ZNF385D: variants seen among roughly 807,000 people sequenced by gnomAD.
ZNF385D encodes the protein zinc finger protein 385D.
ZNF385D carries 15 observed loss-of-function variants against 35.8 expected under a neutral mutation model. That is an observed-to-expected ratio of 0.42 (90% CI 0.28 to 0.64). The LOEUF (loss-of-function observed/expected upper bound fraction) is 0.64, where lower values mean the gene tolerates loss of function less well. Ranked by LOEUF, ZNF385D falls within the 30% of genes least tolerant of loss-of-function variation. The pLI, the probability that ZNF385D is intolerant of heterozygous loss-of-function variation, is 0.23. For missense variants in ZNF385D, 474 were observed against 494.6 expected, an observed-to-expected ratio of 0.96 and a Z score of 0.39; for synonymous variants, 212 against 186.8, an observed-to-expected ratio of 1.13 and a Z score of -1.10.
chr3:21,441,593 C>T (rs899129202), intron 4 of ZNF385D: 14 of 656,290 alleles, frequency 2.1e-5, no homozygotes, highest in Non-Finnish European at 2.6e-5. Context: ...GAGTCAATTA[C>T]GTATATCCAA....
intron 3 of ZNF385D, among the ~76,000 whole-genome samples, chr3:21,757,979 C>A (rs1311948196): frequency 6.6e-6 from 1 of 152,190 alleles, no homozygotes; most frequent in African/African-American, 2.4e-5. Context: ...ACTGTTCCTA[C>A]TGAGAATATA....
At chr3:22,272,659 A>G (rs956871596) in intron 2 of ZNF385D, among the ~76,000 whole-genome samples, 1 of 152,054 alleles carries the variant, frequency 6.6e-6, no homozygotes, top group African/African-American at 2.4e-5. Flanking sequence ...ACTTTAAAAA[A>G]AATTCCTCTT....
At chr3:22,223,554 G>C (rs992505460) in intron 2 of ZNF385D, among the ~76,000 whole-genome samples, 1 of 152,076 alleles carries the variant, frequency 6.6e-6, no homozygotes, top group African/African-American at 2.4e-5. Context: ...AGAGGTGGTT[G>C]AAAGTATGTG....
chr3:21,969,970 T>C (rs1703145216), intron 3 of ZNF385D, among the ~76,000 whole-genome samples: 1 of 152,152 alleles, frequency 6.6e-6, no homozygotes, highest in Non-Finnish European at 1.5e-5. Context: ...CCAGTATCTC[T>C]ATAAGTCTGC....
intron 2 of ZNF385D, among the ~76,000 whole-genome samples, chr3:22,234,062 C>A (rs1233815590): frequency 6.6e-6 from 1 of 152,124 alleles, no homozygotes; most frequent in Non-Finnish European, 1.5e-5. Context: ...GGCAATTTTA[C>A]AGTCATTCTA....
At chr3:21,673,206 C>A (rs925681566) in intron 1 of ZNF385D, among the ~76,000 whole-genome samples, 1 of 152,078 alleles carries the variant, frequency 6.6e-6, no homozygotes, top group African/African-American at 2.4e-5. Flanking sequence ...TGGCCATTGA[C>A]AGTCACATGT....
At chr3:21,981,994 C>A (rs1694481598) in intron 3 of ZNF385D, among the ~76,000 whole-genome samples, 1 of 151,510 alleles carries the variant, frequency 6.6e-6, no homozygotes, top group Admixed American at 6.6e-5. Context: ...AGTCAGGTAA[C>A]ATGATGCCTC....
At chr3:21,905,578 A>C (rs2125904648) in intron 3 of ZNF385D, among the ~76,000 whole-genome samples, 1 of 152,092 alleles carries the variant, frequency 6.6e-6, no homozygotes, top group African/African-American at 2.4e-5. Flanking sequence ...AAATGATGGA[A>C]GTCCAGAGCA....
chr3:21,928,081 G>A (rs544919976), intron 3 of ZNF385D, among the ~76,000 whole-genome samples: 34 of 152,052 alleles, frequency 2.2e-4, no homozygotes, highest in African/African-American at 5.5e-4. Flanking sequence ...AAAGTTAGCC[G>A]GCTGTGGTGG....
intron 4 of ZNF385D, among the ~76,000 whole-genome samples, chr3:21,496,634 T>C (rs538054771): frequency 3.3e-5 from 5 of 149,822 alleles, no homozygotes; most frequent in African/African-American, 9.8e-5. Context: ...TTGATGAACA[T>C]AGATGCCAAA....
At chr3:21,877,642 G>A (rs1414301131) in intron 3 of ZNF385D, among the ~76,000 whole-genome samples, 1 of 152,010 alleles carries the variant, frequency 6.6e-6, no homozygotes, top group East Asian at 1.9e-4. Flanking sequence ...ACTATTTTTA[G>A]TACTTAGTTA....
chr3:22,047,140 G>C (rs530474498), intron 3 of ZNF385D, among the ~76,000 whole-genome samples: 4 of 152,054 alleles, frequency 2.6e-5, no homozygotes, highest in Non-Finnish European at 5.9e-5. Context: ...TTATACACAT[G>C]TATGGTGCAC....
chr3:22,025,912 T>C (rs1214651412), intron 3 of ZNF385D, among the ~76,000 whole-genome samples: 1 of 152,130 alleles, frequency 6.6e-6, no homozygotes, highest in African/African-American at 2.4e-5. Flanking sequence ...AACTACAAAA[T>C]GTAAATACTA....
intron 3 of ZNF385D, among the ~76,000 whole-genome samples, chr3:22,141,606 G>A (rs1318349170): frequency 1.3e-5 from 2 of 152,218 alleles, no homozygotes; most frequent in South Asian, 4.2e-4. Context: ...GTAGTTCACT[G>A]GCCTGCTGTT....
chr3:21,511,537 G>C (rs1707201301), intron 3 of ZNF385D: 1 of 373,092 alleles, frequency 2.7e-6, no homozygotes, highest in South Asian at 2.0e-5. Flanking sequence ...TGAAGCTTTA[G>C]AGTTCAAAAG....
At chr3:22,219,663 G>C (rs1442268466) in intron 2 of ZNF385D, among the ~76,000 whole-genome samples, 1 of 152,062 alleles carries the variant, frequency 6.6e-6, no homozygotes, top group African/African-American at 2.4e-5. Flanking sequence ...GATACACATA[G>C]CATTTATAAC....
intron 2 of ZNF385D, among the ~76,000 whole-genome samples, chr3:21,567,855 T>C (rs1295862171): frequency 2.6e-5 from 4 of 152,286 alleles, no homozygotes; most frequent in East Asian, 1.9e-4. Context: ...TTAGTAACAC[T>C]GGGGAGGCAG....
chr3:22,345,058 A>G (rs1244637183), intron 2 of ZNF385D, among the ~76,000 whole-genome samples: 3 of 152,226 alleles, frequency 2.0e-5, no homozygotes, highest in Non-Finnish European at 2.9e-5. Context: ...ATAATTGTTT[A>G]TGATCATCAT....
At chr3:22,198,552 A>G (rs1274090472) in intron 2 of ZNF385D, among the ~76,000 whole-genome samples, 1 of 152,174 alleles carries the variant, frequency 6.6e-6, no homozygotes, top group Non-Finnish European at 1.5e-5. Context: ...GTATTTGTAA[A>G]GCAAGAACAT....
Sources: allele counts gnomAD v4.1 joint callset (sites outside exome capture counted in the v4.1 genomes callset), GRCh38; gene constraint gnomAD v4.1.1; transcripts MANE v1.5; gene names NCBI Gene and HGNC (gene_info 2026-07-23, HGNC 2026-07-21).